The following PDE4DIP variants were observed in gnomAD, a reference collection of about 807,000 sequenced individuals.
PDE4DIP encodes the protein phosphodiesterase 4D interacting protein.
A neutral mutation model predicts 221.4 loss-of-function variants in PDE4DIP; 59 were observed. The observed-to-expected ratio is 0.27, with a 90% CI of 0.22 to 0.33. The LOEUF is 0.33. Among genes scored for constraint, PDE4DIP ranks in the 10% least tolerant of loss-of-function variants. PDE4DIP has a pLI of 1.00. For synonymous variants in PDE4DIP, 404 were observed against 815.9 expected (o/e 0.50, Z 8.60); for missense variants, 1,036 against 2,154.2 (o/e 0.48, Z 10.28).
In PDE4DIP at chr1:148,929,014, TAC is replaced by T. The variant is rs1229485227; in HGVS notation, c.142-181_142-180del. On this transcript the variant is annotated intron_variant, in intron 1 of 43. Coordinates refer to ENST00000369354, the Ensembl canonical transcript of PDE4DIP. ...TAGCTCAGGGGAAACCCTGAAGCTG[TAC>T]AGTTTATTCTTCCTTGACTAGATTG... 6 of 518,646 alleles carry T rather than the reference TAC, an allele frequency of 1.2e-5. No individual in the cohort carries two copies. The African/African-American group carries it at 1.5e-4, about 13-fold the overall frequency. 32.1% of individuals were successfully genotyped at this position (518,646 alleles called of 1,614,324 possible).
chr1:148,989,855 T>G (rs1377553464), intron 21 of PDE4DIP, among the ~76,000 whole-genome samples: 1 of 152,112 alleles, frequency 6.6e-6, no homozygotes, highest in African/African-American at 2.4e-5. Flanking sequence ...GTATCCTGGT[T>G]TTCAGTAGGT....
intron 4 of PDE4DIP, among the ~76,000 whole-genome samples, chr1:148,933,800 T>A (rs1317991972): frequency 6.6e-6 from 1 of 151,996 alleles, no homozygotes; most frequent in East Asian, 1.9e-4. Context: ...TTTTATGATG[T>A]AACCTCTGAT....
intron 20 of PDE4DIP, among the ~76,000 whole-genome samples, chr1:148,981,065 TA>T (rs1233840707): frequency 6.6e-6 from 1 of 152,104 alleles, no homozygotes; most frequent in African/African-American, 2.4e-5. Flanking sequence ...GGCAAGCTTT[TA>T]AAAAAAGCAA....
chr1:148,822,505 G>A (rs1465629417), intron 1 of PDE4DIP, among the ~76,000 whole-genome samples: 1 of 151,044 alleles, frequency 6.6e-6, no homozygotes, highest in Admixed American at 6.6e-5. Flanking sequence ...TCTAATACCT[G>A]ATGATCATTC....
At chr1:148,821,383 C>G (rs1442369420) in intron 1 of PDE4DIP, among the ~76,000 whole-genome samples, 1 of 149,948 alleles carries the variant, frequency 6.7e-6, no homozygotes, top group Non-Finnish European at 1.5e-5. Context: ...GAATGGCAGG[C>G]ACAATACTAG....
intron 5 of PDE4DIP, among the ~76,000 whole-genome samples, chr1:148,940,844 T>C (rs1212662259): frequency 1.3e-5 from 2 of 152,066 alleles, no homozygotes; most frequent in East Asian, 3.9e-4. Flanking sequence ...AGTAGTTTAA[T>C]TCATGGAAAA....
intron 17 of PDE4DIP, among the ~76,000 whole-genome samples, chr1:148,975,243 T>C (rs1222973843): frequency 6.8e-6 from 1 of 147,914 alleles, no homozygotes; most frequent in African/African-American, 2.5e-5. Context: ...GATTGCTGCT[T>C]AGAGTTATGA....
chr1:149,010,402 G>A (rs1610565), intron 30 of PDE4DIP, 41 bp from the exon 34 acceptor site: 5 of 1,600,818 alleles, frequency 3.1e-6, no homozygotes, highest in Non-Finnish European at 4.3e-6. Flanking sequence ...CCAGTTCTCT[G>A]TAGAACATCA....
chr1:148,955,342 C>T (rs1274910562), intron 5 of PDE4DIP, among the ~76,000 whole-genome samples: 1 of 151,120 alleles, frequency 6.6e-6, no homozygotes, highest in African/African-American at 2.4e-5. Flanking sequence ...CAGCCCGCCA[C>T]CAAATATGAC....
intron 16 of PDE4DIP, among the ~76,000 whole-genome samples, chr1:148,973,190 G>C (rs1412468171): frequency 2.2e-5 from 3 of 134,148 alleles, no homozygotes; most frequent in Non-Finnish European, 3.2e-5. Flanking sequence ...TTTTTTTTTT[G>C]AGACGGAGTC....
chr1:148,934,635 G>A (rs1274612531), intron 4 of PDE4DIP, among the ~76,000 whole-genome samples: 2 of 152,010 alleles, frequency 1.3e-5, no homozygotes, highest in African/African-American at 2.4e-5. Flanking sequence ...ATGGAGTCTC[G>A]CTCTGTTGCC....
chr1:148,990,382 C>T (rs587702592), intron 21 of PDE4DIP: 25 of 983,704 alleles, frequency 2.5e-5, no homozygotes, highest in South Asian at 4.7e-5. Context: ...GAATTCCTTA[C>T]GGAGATAAGG....
At chr1:148,958,912 C>G (rs1553505385) in intron 5 of PDE4DIP, among the ~76,000 whole-genome samples, 4 of 151,932 alleles carry the variant, frequency 2.6e-5, no homozygotes, top group Non-Finnish European at 5.9e-5. Flanking sequence ...AGGCCTTTCT[C>G]TTTTCCAGGC....
chr1:148,940,941 T>A (rs1419057948), intron 5 of PDE4DIP, among the ~76,000 whole-genome samples: 44 of 150,974 alleles, frequency 2.9e-4, no homozygotes, highest in Non-Finnish European at 5.8e-4. Flanking sequence ...AATGGAACAT[T>A]CAAATTCCAA....
intron 37 of PDE4DIP, chr1:149,024,120 C>G (rs1553623848): frequency 1.2e-5 from 2 of 168,570 alleles, no homozygotes; most frequent in Admixed American, 6.0e-5. Context: ...CAGTGCTGAC[C>G]TTCTACCTTG....
intron 23 of PDE4DIP, 24 bp downstream of exon 26, chr1:148,998,399 G>C (rs1414380909): frequency 1.4e-6 from 2 of 1,478,242 alleles, no homozygotes; most frequent in Non-Finnish European, 1.9e-6. Context: ...CCCAGGGAAG[G>C]GGAGCTTGCA....
chr1:148,981,779 T>C (rs1159282613), intron 21 of PDE4DIP: 1 of 226,298 alleles, frequency 4.4e-6, no homozygotes, highest in African/African-American at 2.2e-5. Flanking sequence ...TTCCCCAACT[T>C]TCACAATCCA....
intron 1 of PDE4DIP, among the ~76,000 whole-genome samples, chr1:148,927,501 G>T (rs2046978269): frequency 6.6e-6 from 1 of 151,870 alleles, no homozygotes; most frequent in Non-Finnish European, 1.5e-5. Context: ...TGGAAACATG[G>T]GTTATGAAAT....
Position 148,953,095 on chromosome 1 carries a change from CG to C in PDE4DIP, c.637-7558del. The C allele has an allele frequency of 1.9e-6, 3 of 1,614,002 alleles. No individual in the cohort carries two copies. In the South Asian group the frequency reaches 3.3e-5, roughly 18 times the overall value. On this transcript the variant is annotated intron_variant, in intron 5 of 43. Transcript: ENST00000369354. ...ATCGGAAGAATAACGATGACTCTGG[CG>C]CGGAGATCAAGGCGGGGAATGGGAC... is the stretch of plus-strand genomic sequence containing the variant.
Sources: allele counts gnomAD v4.1 joint callset (sites outside exome capture counted in the v4.1 genomes callset), GRCh38; gene constraint gnomAD v4.1.1; transcripts MANE v1.5; gene names NCBI Gene and HGNC (gene_info 2026-07-23, HGNC 2026-07-21).